Variants in FRMD3 observed in about 807,000 individuals in gnomAD.
FRMD3 encodes FERM domain containing 3.
A neutral mutation model predicts 70.2 loss-of-function variants in FRMD3; 33 were observed. The ratio of observed to expected loss-of-function variants is 0.47; its 90% confidence interval spans 0.36 to 0.63. FRMD3 has a LOEUF of 0.63. FRMD3 is among the 20% of genes least tolerant of loss of function. The pLI, the probability that FRMD3 is intolerant of heterozygous loss-of-function variation, is 0.00. For missense variants in FRMD3, 632 were observed against 711.4 expected (o/e 0.89, Z 1.27); for synonymous variants, 279 against 255.9 (o/e 1.09, Z -0.86).
At chr9:83,258,119 C>T (rs1384049322) in intron 13 of FRMD3, among the ~76,000 whole-genome samples, 1 of 152,182 alleles carries the variant, frequency 6.6e-6, no homozygotes, top group African/African-American at 2.4e-5. Flanking sequence ...TGCTCATTCC[C>T]ATCTGCACCA....
intron 6 of FRMD3, among the ~76,000 whole-genome samples, chr9:83,326,897 G>A (rs1156517424): frequency 6.6e-6 from 1 of 152,140 alleles, no homozygotes; most frequent in African/African-American, 2.4e-5. Flanking sequence ...TTAGCTGTAT[G>A]TCTCCCTTCT....
intron 1 of FRMD3, among the ~76,000 whole-genome samples, chr9:83,452,924 G>A (rs1317745861): frequency 7.0e-6 from 1 of 142,042 alleles, no homozygotes; most frequent in Non-Finnish European, 1.5e-5. Context: ...GTGCAATCTC[G>A]GCTCACTGCA....
chr9:83,426,823 C>T (rs1826824436), intron 1 of FRMD3, among the ~76,000 whole-genome samples: 1 of 152,184 alleles, frequency 6.6e-6, no homozygotes, highest in Non-Finnish European at 1.5e-5. Context: ...GCCTGAGACA[C>T]ATCACTGTAC....
chr9:83,420,937 C>CTTTTTTTTTTTTTTTTT (rs897070718), intron 1 of FRMD3, among the ~76,000 whole-genome samples: 1 of 107,718 alleles, frequency 9.3e-6, no homozygotes, highest in African/African-American at 3.8e-5. Flanking sequence ...TTTCTTTCTT[C>CTTTTTTTTTTTTTTTTT]TTTTTTTTTT....
At chr9:83,484,968 A>C (rs1320259050) in intron 1 of FRMD3, among the ~76,000 whole-genome samples, 1 of 152,244 alleles carries the variant, frequency 6.6e-6, no homozygotes, top group African/African-American at 2.4e-5. Flanking sequence ...ATTAAATAAA[A>C]ACATGTCAAT....
chr9:83,503,119 A>C (rs986625389), intron 1 of FRMD3, among the ~76,000 whole-genome samples: 2 of 152,052 alleles, frequency 1.3e-5, no homozygotes, highest in African/African-American at 4.8e-5. Context: ...TCCTGCCCTA[A>C]CCCCCAGAAC....
chr9:83,472,243 A>G (rs549009840), intron 1 of FRMD3, among the ~76,000 whole-genome samples: 94 of 152,346 alleles, frequency 6.2e-4, no homozygotes, highest in Middle Eastern at 3.4e-3. Flanking sequence ...CTTGCCCAAG[A>G]GCCATAAATA....
At position 83,257,569 on chromosome 9, in the gene FRMD3, G is replaced by A. The variant is rs982725760; in HGVS notation, c.1196-9053C>T. Among the ~76,000 whole-genome samples the A allele has an allele frequency of 7.2e-5, 11 of 152,120 alleles. No homozygotes were observed. The East Asian group carries it at 1.4e-3, about 19-fold the overall frequency. ...AAATTGTAAAACACAAGCCTTGCAA[G>A]TATTTTGAAATTAAAATGTCTTCTT... On this transcript the variant is annotated intron_variant, in intron 13 of 13. Coordinates refer to ENST00000304195, the MANE Select transcript of FRMD3 (RefSeq NM_174938.6).
At chr9:83,531,240 T>A (rs905012618) in intron 1 of FRMD3, among the ~76,000 whole-genome samples, 3 of 152,202 alleles carry the variant, frequency 2.0e-5, no homozygotes, top group Non-Finnish European at 4.4e-5. Flanking sequence ...GACTTCTGAA[T>A]ATATGAGTCA....
chr9:83,266,952 A>C, intron 13 of FRMD3: 2 of 1,500,040 alleles, frequency 1.3e-6, no homozygotes, highest in Non-Finnish European at 1.8e-6. Context: ...AGCAGTGAGC[A>C]GGAAGCTGGA....
chr9:83,419,014 T>A (rs572823767), intron 1 of FRMD3, among the ~76,000 whole-genome samples: 1 of 152,210 alleles, frequency 6.6e-6, no homozygotes, highest in Non-Finnish European at 1.5e-5. Flanking sequence ...AGGCCATTAT[T>A]CTAAGTGAAG....
In FRMD3 at chr9:83,538,138, T is replaced by A; in HGVS notation, c.94A>T (p.Met32Leu). 6.2e-7 allele frequency: 1 copy of A among 1,613,626 alleles called. No individual in the cohort carries two copies. ...TCCAGCAGCCGGATGGTGCATCTCATCTCCTGGCTGAGCGATTTGACGCTG... is the reference window on the plus strand; with the variant it reads ...TCCAGCAGCCGGATGGTGCATCTCAACTCCTGGCTGAGCGATTTGACGCTG... ...SSSVKSLSQE[M>L]RCTIRLLDDS... The change falls in exon 1 of 14, where the codon ATG becomes TTG. Residue 32 changes from methionine (M) to leucine (L), a missense_variant. Coordinates refer to ENST00000304195, the MANE Select transcript of FRMD3 (RefSeq NM_174938.6). This position sits in a 1 kb window ranked among gnomAD's most constrained non-coding sequence, Gnocchi z 4.7.
At chr9:83,479,784 AGG>A (rs750285295) in intron 1 of FRMD3, among the ~76,000 whole-genome samples, 2 of 23,662 alleles carry the variant, frequency 8.5e-5, no homozygotes, top group African/African-American at 5.3e-4. Context: ...GGAGGGAGGG[AGG>A]GAAGGAAGGA....
Position 83,468,256 on chromosome 9 carries a change from T to C in FRMD3, c.147+69829A>G, listed in dbSNP as rs533345724. On this transcript the variant is annotated intron_variant, in intron 1 of 13. Coordinates refer to ENST00000304195, the MANE Select transcript of FRMD3 (RefSeq NM_174938.6). ...GAAACCATTCCTTTCTTACAAACTT[T>C]ATCTGTATAAGAAAATAGATGTGAC... is the stretch of plus-strand genomic sequence containing the variant. Among the ~76,000 whole-genome samples the C allele has an allele frequency of 1.5e-4, 23 of 152,378 alleles. 1 individual carries two copies. The South Asian group carries it at 4.8e-3, about 32-fold the overall frequency.
intron 1 of FRMD3, among the ~76,000 whole-genome samples, chr9:83,502,943 C>A (rs79503383): frequency 0.067 from 10,239 of 152,136 alleles, 391 homozygotes; most frequent in East Asian, 0.2. Context: ...TCTGGAAATA[C>A]AAGCACACTG....
intron 6 of FRMD3, among the ~76,000 whole-genome samples, chr9:83,327,392 G>A (rs1439351998): frequency 3.9e-5 from 6 of 152,250 alleles, no homozygotes; most frequent in African/African-American, 9.6e-5. Context: ...AGCACTCAGC[G>A]ACTGCAGGGA....
rs1173216562 is a variant in FRMD3, at chr9:83,244,760, A to C, written c.*3158T>G. ...ACAGTAACATGGCCCCCATATCTCT[A>C]GTATTTCAATGAAATAAACTCATTG... On this transcript the variant is annotated 3_prime_UTR_variant, in exon 14 of 14. Coordinates refer to ENST00000304195, the MANE Select transcript of FRMD3 (RefSeq NM_174938.6). 1.0e-6 allele frequency: 1 copy of C among 985,132 alleles called. No individual in the cohort carries two copies. The highest frequency in any genetic ancestry group is 1.1e-4 in the East Asian group (1 of 8,832). The allele number at this position is 985,132 out of a possible 1,614,324, so 61.0% of individuals were successfully genotyped here.
intron 1 of FRMD3, among the ~76,000 whole-genome samples, chr9:83,524,840 T>A (rs10868023): frequency 0.74 from 112,934 of 152,026 alleles, 42,580 homozygotes; most frequent in African/African-American, 0.88. Context: ...AATACTCCAC[T>A]TATCATAACA....
chr9:83,245,482 T>C lies in FRMD3; in HGVS notation c.*2436A>G. 1 of 984,468 alleles carries C rather than the reference T, an allele frequency of 1.0e-6. No individual in the cohort carries two copies. 61.0% of individuals were successfully genotyped at this position (984,468 alleles called of 1,614,324 possible). ...GTCAACTTCTTCACTTAAAAACATT[T>C]CTATTCAACAATGAAGTTTCCACCT... On this transcript the variant is annotated 3_prime_UTR_variant, in exon 14 of 14. Transcript: ENST00000304195.
Sources: gnomAD v4.1 joint callset for allele counts (sites outside exome capture counted in the v4.1 genomes callset) on GRCh38, gnomAD v4.1.1 for gene constraint, Gnocchi (gnomAD v3.1) non-coding constraint, MANE v1.5 for transcripts, NCBI Gene and HGNC (gene_info 2026-07-23, HGNC 2026-07-21) for gene names.